Variants in NLGN1 observed in about 807,000 individuals in gnomAD.
NLGN1 encodes neuroligin 1.
A neutral mutation model predicts 65.5 loss-of-function variants in NLGN1; 12 were observed. The observed-to-expected ratio is 0.18, with a 90% CI of 0.12 to 0.30. The LOEUF (loss-of-function observed/expected upper bound fraction) is 0.30, where lower values mean the gene tolerates loss of function less well. NLGN1 is among the 10% of genes least tolerant of loss of function. The pLI is 1.00. For synonymous variants in NLGN1, 350 were observed against 359.5 expected (o/e 0.97, Z 0.30); for missense variants, 750 against 1,007.1 (o/e 0.74, Z 3.46).
chr3:173,600,328 T>C (rs1750275743), intron 2 of NLGN1, among the ~76,000 whole-genome samples: 1 of 151,992 alleles, frequency 6.6e-6, no homozygotes, highest in African/African-American at 2.4e-5. Flanking sequence ...CTCTATATTG[T>C]ATAGCATTGG....
At chr3:173,888,505 A>G (rs1191526247) in intron 4 of NLGN1, among the ~76,000 whole-genome samples, 4 of 151,934 alleles carry the variant, frequency 2.6e-5, no homozygotes, top group Admixed American at 2.6e-4. Flanking sequence ...TGAATTGTGG[A>G]TGCAGAACCT....
chr3:173,464,435 A>ATTTTT (rs10649807), intron 2 of NLGN1, among the ~76,000 whole-genome samples: 8 of 138,594 alleles, frequency 5.8e-5, no homozygotes, highest in Non-Finnish European at 9.1e-5. Flanking sequence ...ATCAGTTACA[A>ATTTTT]TTTTTTTTTT....
chr3:173,599,329 T>C (rs1227834497), intron 2 of NLGN1, among the ~76,000 whole-genome samples: 2 of 152,140 alleles, frequency 1.3e-5, no homozygotes, highest in Non-Finnish European at 2.9e-5. Flanking sequence ...AGAAGAAGGA[T>C]ATGCATTAAA....
intron 4 of NLGN1, among the ~76,000 whole-genome samples, chr3:174,194,733 T>G (rs1055832572): frequency 4.0e-5 from 6 of 150,504 alleles, no homozygotes; most frequent in African/African-American, 1.5e-4. Context: ...GATATAACAT[T>G]ATCTTTTAGA....
chr3:174,048,937 A>C (rs1734215040), intron 4 of NLGN1, among the ~76,000 whole-genome samples: 1 of 152,092 alleles, frequency 6.6e-6, no homozygotes, highest in Admixed American at 6.6e-5. Flanking sequence ...GCTGTAAATA[A>C]AAAATAATCA....
At chr3:173,636,044 A>T (rs1475621387) in intron 3 of NLGN1, among the ~76,000 whole-genome samples, 2 of 152,154 alleles carry the variant, frequency 1.3e-5, no homozygotes, top group Non-Finnish European at 2.9e-5. Context: ...CCTGCTTTGA[A>T]ATTATTTTAA....
At chr3:174,198,420 T>C (rs774958709) in intron 4 of NLGN1, among the ~76,000 whole-genome samples, 3 of 152,210 alleles carry the variant, frequency 2.0e-5, no homozygotes, top group Non-Finnish European at 4.4e-5. Flanking sequence ...TGTACATCCT[T>C]ACATATAAAT....
intron 2 of NLGN1, among the ~76,000 whole-genome samples, chr3:173,464,381 A>G (rs1420050051): frequency 6.6e-6 from 1 of 150,892 alleles, no homozygotes; most frequent in African/African-American, 2.4e-5. Flanking sequence ...ATTTACCACT[A>G]TTTTGTATAA....
intron 1 of NLGN1, among the ~76,000 whole-genome samples, chr3:173,417,447 C>A (rs1455183790): frequency 6.6e-6 from 1 of 151,798 alleles, no homozygotes; most frequent in East Asian, 1.9e-4. Flanking sequence ...TTCTATTTTG[C>A]TTAATTATCT....
intron 3 of NLGN1, among the ~76,000 whole-genome samples, chr3:173,725,615 A>G (rs1560243066): frequency 1.3e-5 from 2 of 152,338 alleles, no homozygotes; most frequent in Admixed American, 6.5e-5. Flanking sequence ...TTAGTTTTCT[A>G]TGCTGTATAG....
chr3:173,418,994 T>TTCTG (rs1714387394), intron 1 of NLGN1, among the ~76,000 whole-genome samples: 1 of 148,940 alleles, frequency 6.7e-6, no homozygotes, highest in Non-Finnish European at 1.5e-5. Flanking sequence ...GCAGTTTCCT[T>TTCTG]TCTGTTCTTT....
intron 3 of NLGN1, among the ~76,000 whole-genome samples, chr3:173,698,110 C>T (rs1336886712): frequency 2.0e-4 from 30 of 150,638 alleles, no homozygotes; most frequent in Admixed American, 2.0e-3. Context: ...TGTTCTAGTT[C>T]ATTAGGATCA....
At chr3:174,173,690 TTTTGTGTGTGTGTGTATG>T (rs1728944215) in intron 4 of NLGN1, among the ~76,000 whole-genome samples, 1 of 151,392 alleles carries the variant, frequency 6.6e-6, no homozygotes, top group Non-Finnish European at 1.5e-5. Context: ...AGTGAAGATC[TTTTGTGTGTGTGTGTATG>T]TTTGTGTGTG....
exon 7 of NLGN1, chr3:174,285,193 A>C (rs574206979): frequency 6.6e-6 from 1 of 151,600 alleles, no homozygotes; most frequent in East Asian, 2.0e-4. Flanking sequence ...TCACAGGATG[A>C]AATGATGAAT....
chr3:174,059,240 T>C (rs564382249), intron 4 of NLGN1, among the ~76,000 whole-genome samples: 2 of 152,236 alleles, frequency 1.3e-5, no homozygotes, highest in East Asian at 1.9e-4. Flanking sequence ...CTAGCCTAGC[T>C]AGTTAATCTA....
At chr3:173,669,225 T>C (rs1055242083) in intron 3 of NLGN1, among the ~76,000 whole-genome samples, 1 of 152,294 alleles carries the variant, frequency 6.6e-6, no homozygotes, top group African/African-American at 2.4e-5. Flanking sequence ...ATTTATTGGG[T>C]GTGTAGAGGG....
intron 2 of NLGN1, among the ~76,000 whole-genome samples, chr3:173,584,116 A>T (rs570230713): frequency 9.3e-4 from 142 of 152,052 alleles, no homozygotes; most frequent in Non-Finnish European, 1.4e-3. Context: ...AACACAGAAG[A>T]TTCAGTCTTT....
rs117801019 is a variant in NLGN1 at position 173,961,612 on chromosome 3, G to A, written c.646+153780G>A. Among the ~76,000 whole-genome samples, 35 of 152,094 alleles carry A rather than the reference G, an allele frequency of 2.3e-4. 1 individual carries two copies. The East Asian group carries it at 6.6e-3, about 28-fold the overall frequency. On this transcript the variant is annotated intron_variant, in intron 4 of 6. Transcript: ENST00000457714. ...GAGGCATAGGTGTTAAGTATAAAGTGGGTATAACTCTGTGTAATCTTAAAG... is the reference window on the plus strand; with the variant it reads ...GAGGCATAGGTGTTAAGTATAAAGTAGGTATAACTCTGTGTAATCTTAAAG...
intron 4 of NLGN1, among the ~76,000 whole-genome samples, chr3:174,007,833 A>T (rs1724749970): frequency 6.6e-6 from 1 of 152,140 alleles, no homozygotes; most frequent in South Asian, 2.1e-4. Flanking sequence ...CATTTACCAC[A>T]CACATTGACT....
Sources: gnomAD v4.1 joint callset for allele counts (sites outside exome capture counted in the v4.1 genomes callset) on GRCh38, gnomAD v4.1.1 for gene constraint, MANE v1.5 for transcripts, NCBI Gene and HGNC (gene_info 2026-07-23, HGNC 2026-07-21) for gene names.